CERT1: variants seen among roughly 807,000 people sequenced by gnomAD.
CERT1 encodes ceramide transfer protein.
A neutral mutation model predicts 87.9 loss-of-function variants in CERT1; 31 were observed. That is an observed-to-expected ratio of 0.35 (90% CI 0.27 to 0.48). The LOEUF (loss-of-function observed/expected upper bound fraction) is 0.48. Ranked by LOEUF, CERT1 falls within the 20% of genes least tolerant of loss-of-function variation. The pLI is 0.99. For synonymous variants in CERT1, 289 were observed against 250.9 expected, an observed-to-expected ratio of 1.15 and a Z score of -1.44; for missense variants, 487 against 758.0, an observed-to-expected ratio of 0.64 and a Z score of 4.20.
chr5:75,421,366 A>AT (rs988740822), intron 5 of CERT1, among the ~76,000 whole-genome samples: 6 of 152,094 alleles, frequency 3.9e-5, no homozygotes, highest in Non-Finnish European at 7.4e-5. Context: ...GGACTATTTC[A>AT]TTTTTTTATA....
At chr5:75,462,379 G>A (rs547813369) in intron 2 of CERT1, among the ~76,000 whole-genome samples, 10 of 152,268 alleles carry the variant, frequency 6.6e-5, no homozygotes, top group South Asian at 2.1e-4. Context: ...CATAAGGAGC[G>A]TGCAACCTAG....
In CERT1 at chr5:75,425,348, T is replaced by C; in HGVS notation, c.595+13A>G. On this transcript the variant is annotated intron_variant, in intron 5 of 16. Coordinates refer to ENST00000643780, the MANE Select transcript of CERT1 (RefSeq NM_001379029.1). ...ATTCTCCAAGTAAAAATAGTGGTAA[T>C]AGCCTAATTAACCTTTATCCCTTTG... 1.2e-6 allele frequency: 2 copies of C among 1,608,912 alleles called. No individual in the cohort carries two copies. Among genetic ancestry groups the C allele is most frequent in the African/African-American group, 1.3e-5 (1 of 74,860 alleles).
chr5:75,486,959 G>A (rs1238942719), intron 2 of CERT1, among the ~76,000 whole-genome samples: 5 of 151,696 alleles, frequency 3.3e-5, no homozygotes, highest in Admixed American at 6.6e-5. Flanking sequence ...CAATGACATC[G>A]TTCACCAAAC....
At chr5:75,395,884 C>A (rs1762232109) in intron 11 of CERT1, among the ~76,000 whole-genome samples, 1 of 138,608 alleles carries the variant, frequency 7.2e-6, no homozygotes, top group Admixed American at 7.1e-5. Context: ...AAAAAACAAA[C>A]AACAACAACA....
intron 2 of CERT1, among the ~76,000 whole-genome samples, chr5:75,478,033 C>CTT (rs1321495453): frequency 1.5e-4 from 23 of 152,236 alleles, no homozygotes; most frequent in African/African-American, 5.5e-4. Context: ...AAGGAAGAGG[C>CTT]CGGGCACAGT....
chr5:75,489,835 C>G (rs1472616823), intron 2 of CERT1, among the ~76,000 whole-genome samples: 2 of 152,050 alleles, frequency 1.3e-5, no homozygotes, highest in Admixed American at 6.5e-5. Flanking sequence ...GGCAATTCCT[C>G]AAGGATCTAG....
chr5:75,441,062 A>G (rs1338416616), intron 3 of CERT1, among the ~76,000 whole-genome samples: 1 of 152,172 alleles, frequency 6.6e-6, no homozygotes, highest in Non-Finnish European at 1.5e-5. Flanking sequence ...GTATTGGTAT[A>G]AAAGTGTTTT....
At chr5:75,473,673 A>T (rs567590967) in intron 2 of CERT1, among the ~76,000 whole-genome samples, 1 of 152,300 alleles carries the variant, frequency 6.6e-6, no homozygotes, top group East Asian at 1.9e-4. Flanking sequence ...CAACGTGGTG[A>T]CTATAGTTAA....
At chr5:75,400,480 A>G in intron 9 of CERT1, 183 bp from the exon 10 acceptor site, 1 of 524,850 alleles carries the variant, frequency 1.9e-6, no homozygotes, top group South Asian at 3.1e-5. Flanking sequence ...AGATATCCCA[A>G]TTTAACCTCT....
chr5:75,403,305 C>T (rs1035754749), intron 8 of CERT1, among the ~76,000 whole-genome samples: 1 of 152,226 alleles, frequency 6.6e-6, no homozygotes, highest in Admixed American at 6.5e-5. Flanking sequence ...GGATAATAGT[C>T]TAGAGCAGAG....
intron 2 of CERT1, among the ~76,000 whole-genome samples, chr5:75,474,837 TA>T (rs1765887187): frequency 3.4e-5 from 2 of 59,478 alleles, no homozygotes; most frequent in African/African-American, 2.6e-4. Context: ...TAATCTCATG[TA>T]GTCTATTAGA....
chr5:75,488,240 T>C (rs1766617339), intron 2 of CERT1, among the ~76,000 whole-genome samples: 1 of 152,076 alleles, frequency 6.6e-6, no homozygotes, highest in South Asian at 2.1e-4. Context: ...AAGCTTGTGG[T>C]GGATGCTGCA....
At chr5:75,452,573 A>C (rs1018219472) in intron 3 of CERT1, among the ~76,000 whole-genome samples, 55 of 152,160 alleles carry the variant, frequency 3.6e-4, no homozygotes, top group African/African-American at 1.3e-3. Flanking sequence ...TAATTGTAGA[A>C]GATTCTGAAA....
At chr5:75,401,830 GC>G (rs1214981165) in intron 9 of CERT1, 1 of 152,116 alleles carries the variant, frequency 6.6e-6, no homozygotes, top group Non-Finnish European at 1.5e-5. Flanking sequence ...AAACGAACAA[GC>G]CAACTTTTCT....
intron 14 of CERT1, 125 bp from the exon 15 acceptor site, chr5:75,382,202 G>T (rs746262441): frequency 2.7e-5 from 21 of 769,754 alleles, no homozygotes; most frequent in Non-Finnish European, 4.3e-5. Flanking sequence ...AGCATCTGAG[G>T]ATATCTACCA....
chr5:75,511,791 A>T (rs748340498), upstream of CERT1: 21 of 1,551,506 alleles, frequency 1.4e-5, no homozygotes, highest in Non-Finnish European at 1.6e-5. Flanking sequence ...CGGGTAGAAA[A>T]GCAGGAGGAG....
At chr5:75,467,297 C>T (rs550674489) in intron 2 of CERT1, among the ~76,000 whole-genome samples, 1 of 152,112 alleles carries the variant, frequency 6.6e-6, no homozygotes, top group South Asian at 2.1e-4. Flanking sequence ...TGGTTTCCAG[C>T]GGTTAGGGAT....
In CERT1 at chr5:75,511,326, G is replaced by GT; in HGVS notation, c.-120dup. Reference sequence around the variant, plus strand: ...CGAAGCGAAGAGTGCCCGCTCCGGTGTGGGGGGGAGCAGGAGGAGGGACGA... The same window carrying GT: ...CGAAGCGAAGAGTGCCCGCTCCGGTGTTGGGGGGGAGCAGGAGGAGGGACGA... On this transcript the variant is annotated 5_prime_UTR_variant, in exon 1 of 17. Coordinates refer to ENST00000643780, the MANE Select transcript of CERT1 (RefSeq NM_001379029.1). 6.5e-7 allele frequency: 1 copy of GT among 1,547,626 alleles called. No individual in the cohort carries two copies. The highest frequency in any genetic ancestry group is 2.4e-5 in the East Asian group (1 of 40,874).
intron 10 of CERT1, 98 bp downstream of exon 10, chr5:75,400,107 G>T: frequency 1.1e-6 from 1 of 903,650 alleles, no homozygotes. Flanking sequence ...ACTCCACTCT[G>T]GTGACAGAGT....
Sources: allele counts gnomAD v4.1 joint callset (sites outside exome capture counted in the v4.1 genomes callset), GRCh38; gene constraint gnomAD v4.1.1; transcripts MANE v1.5; gene names NCBI Gene and HGNC (gene_info 2026-07-23, HGNC 2026-07-21).